The following DMBT1 variants were observed in gnomAD, a reference collection of about 807,000 sequenced individuals.
DMBT1 encodes the protein scavenger receptor cysteine-rich domain-containing protein DMBT1.
Under a neutral mutation model 252.9 loss-of-function variants are expected in DMBT1, and 198 were observed. The ratio of observed to expected loss-of-function variants is 0.78; its 90% confidence interval spans 0.70 to 0.88. DMBT1 has a LOEUF of 0.88. Ranked by LOEUF, DMBT1 falls within the 40% of genes least tolerant of loss-of-function variation. DMBT1 has a pLI of 0.00. For synonymous variants in DMBT1, 990 were observed against 942.7 expected, an observed-to-expected ratio of 1.05 and a Z score of -0.92; for missense variants, 2,432 against 2,404.7, an observed-to-expected ratio of 1.01 and a Z score of -0.24.
intron 2 of DMBT1, among the ~76,000 whole-genome samples, chr10:122,569,096 G>A (rs1481703638): frequency 3.3e-5 from 5 of 151,774 alleles, no homozygotes; most frequent in African/African-American, 4.8e-5. Context: ...GGGATCATCG[G>A]CCAGTCCTTC....
At chr10:122,590,858 A>G (rs933144456) in intron 18 of DMBT1, among the ~76,000 whole-genome samples, 164 bp downstream of exon 18, 5 of 148,240 alleles carry the variant, frequency 3.4e-5, no homozygotes, top group African/African-American at 7.3e-5. Flanking sequence ...TTAACCAGAC[A>G]TGGTTAAGAA....
At chr10:122,642,413 T>G (rs989064386) in intron 55 of DMBT1, among the ~76,000 whole-genome samples, 1 of 152,130 alleles carries the variant, frequency 6.6e-6, no homozygotes, top group South Asian at 2.1e-4. Flanking sequence ...ATCCCACCAA[T>G]CTATAATAAC....
Position 122,600,049 on chromosome 10 carries a change from T to C in DMBT1, c.3281-15T>C. The C allele has an allele frequency of 1.2e-6, 2 of 1,608,026 alleles. No individual in the cohort carries two copies. Among genetic ancestry groups the C allele is most frequent in the Non-Finnish European group, 8.5e-7 (1 of 1,178,322 alleles). ...GTAATGTTCCTGATCTGACCTTCTC[T>C]TCTCTTTCTCACAGCTTCCCAGTCC... On this transcript the variant is annotated splice_polypyrimidine_tract_variant and intron_variant, in intron 26 of 55. Transcript: ENST00000338354.
At chr10:122,586,464 T>C in intron 16 of DMBT1, 81 bp downstream of exon 16, 5 of 1,532,260 alleles carry the variant, frequency 3.3e-6, no homozygotes, top group Non-Finnish European at 3.5e-6. Flanking sequence ...ATCTCCTCAC[T>C]TAGAGCTTTT....
chr10:122,634,457 TCTCTC>T (rs2098207019), intron 52 of DMBT1, among the ~76,000 whole-genome samples: 1 of 100,606 alleles, frequency 9.9e-6, no homozygotes, highest in Non-Finnish European at 1.8e-5. Flanking sequence ...TCTCTCTCTC[TCTCTC>T]TCTCTCTCTC....
At chr10:122,563,288 C>A (rs1265607940) in intron 1 of DMBT1, among the ~76,000 whole-genome samples, 1 of 152,178 alleles carries the variant, frequency 6.6e-6, no homozygotes, top group South Asian at 2.1e-4. Flanking sequence ...TATGTTCCAA[C>A]CCATGCAGTA....
rs1367951771 is a variant in DMBT1 at position 122,580,418 on chromosome 10, C to G, written c.1004-448C>G. On this transcript the variant is annotated intron_variant, in intron 10 of 55. Coordinates refer to ENST00000338354, the MANE Select transcript of DMBT1 (RefSeq NM_001377530.1). ...GTGGGGTTGGAGTTCTTGACCTCAG[C>G]TCTTCTCAGAACGCTGCTGAGCATT... 3.9e-4 allele frequency among the ~76,000 whole-genome samples: 59 copies of G among 152,274 alleles called. No individual in the cohort carries two copies. The Middle Eastern group carries it at 0.01, about 26-fold the overall frequency.
At chr10:122,573,829 T>C (rs2097687964) in intron 6 of DMBT1, 67 bp downstream of exon 6, 3 of 1,576,150 alleles carry the variant, frequency 1.9e-6, no homozygotes, top group Admixed American at 3.3e-5. Flanking sequence ...TAATCTCTGA[T>C]TCAGATGAGG....
chr10:122,573,324 T>A (rs1355103650), intron 5 of DMBT1, among the ~76,000 whole-genome samples: 6 of 152,104 alleles, frequency 3.9e-5, no homozygotes, highest in African/African-American at 1.2e-4. Flanking sequence ...TTTTTCTGGT[T>A]GAACCACCTT....
intron 46 of DMBT1, among the ~76,000 whole-genome samples, chr10:122,626,995 G>A (rs1267823088): frequency 2.6e-5 from 4 of 152,198 alleles, no homozygotes; most frequent in Non-Finnish European, 5.9e-5. Flanking sequence ...AGGAGGGACT[G>A]CAGGAAATCT....
intron 40 of DMBT1, among the ~76,000 whole-genome samples, chr10:122,617,745 G>T (rs2098009749): frequency 6.6e-6 from 1 of 151,596 alleles, no homozygotes; most frequent in African/African-American, 2.4e-5. Flanking sequence ...TCCTGTGTGT[G>T]CCCAGAGTAG....
At chr10:122,590,912 T>G (rs2097844665) in intron 18 of DMBT1, among the ~76,000 whole-genome samples, 1 of 148,116 alleles carries the variant, frequency 6.8e-6, no homozygotes, top group Admixed American at 6.7e-5. Flanking sequence ...CAAAGTCTCC[T>G]GGGAAGGCAA....
Position 122,585,273 on chromosome 10 carries a change from A to T in DMBT1, c.1423A>T (p.Thr475Ser). 1 of 1,586,850 alleles carries T rather than the reference A, an allele frequency of 6.3e-7. No individual in the cohort carries two copies. The highest frequency in any genetic ancestry group is 8.6e-7 in the Non-Finnish European group (1 of 1,164,526). The change falls in exon 15 of 56, where the codon ACG becomes TCG. Residue 475 changes from threonine to serine, a missense_variant and splice_region_variant. Thr to Ser is a moderately conservative substitution (Grantham distance 58, BLOSUM62 1). Around this residue, in one of 3 missense-constraint regions of DMBT1, gnomAD observed 1,264 missense variants for 1,082.2 expected, o/e 1.17. Coordinates refer to ENST00000338354, the MANE Select transcript of DMBT1 (RefSeq NM_001377530.1). Reference protein sequence around the residue: ...AHSWSTPSPDTLPTITLPAST... With the variant: ...AHSWSTPSPDSLPTITLPAST... ...CTTTGTCTCTGTTGCAATTACAGACACGTTGCCGACCATCACCTTACCTGC... is the reference window on the plus strand; with the variant it reads ...CTTTGTCTCTGTTGCAATTACAGACTCGTTGCCGACCATCACCTTACCTGC...
chr10:122,594,160 T>C (rs1261895561), intron 21 of DMBT1, among the ~76,000 whole-genome samples: 2 of 140,970 alleles, frequency 1.4e-5, no homozygotes, highest in Admixed American at 1.4e-4. Flanking sequence ...TCCCCTAACA[T>C]TTTACCTGGC....
chr10:122,576,256 A>G, intron 6 of DMBT1, 143 bp from the exon 7 acceptor site: 1 of 1,251,420 alleles, frequency 8.0e-7, no homozygotes, highest in Non-Finnish European at 1.1e-6. Context: ...AAGAACTCTA[A>G]CCTTAAGGCC....
chr10:122,571,678 C>A lies in DMBT1; in HGVS notation c.188-636C>A, dbSNP rs1167921967. Among the ~76,000 whole-genome samples the A allele has an allele frequency of 2.0e-5, 3 of 152,142 alleles. No homozygotes were observed. The East Asian group carries it at 5.8e-4, about 29-fold the overall frequency. On this transcript the variant is annotated intron_variant, in intron 4 of 55. Coordinates refer to ENST00000338354, the MANE Select transcript of DMBT1 (RefSeq NM_001377530.1). ...ATGAAGAAACCTGCAAGGACACTGT[C>A]CCATGGTGTGCTCCCCAAAGAGGAG...
chr10:122,560,934 G>GTGCTACCCACTCTTTGATAT, intron 1 of DMBT1, 103 bp downstream of exon 1: 1 of 820,522 alleles, frequency 1.2e-6, no homozygotes, highest in Non-Finnish European at 2.0e-6. Context: ...TTATATCAAA[G>GTGCTACCCACTCTTTGATAT]AGTGGGTAGC....
Position 122,591,982 on chromosome 10 carries a change from G to A in DMBT1, c.2177-290G>A, listed in dbSNP as rs1030526662. On this transcript the variant is annotated intron_variant, in intron 19 of 55. Transcript: ENST00000338354. ...GCATAGGCCTGCCCTCTGGAGCAGT[G>A]GAGCTCCATCCTGTGTGTGCTCAGA... Among the ~76,000 whole-genome samples, 8 of 148,942 alleles carry A rather than the reference G, an allele frequency of 5.4e-5. 1 individual carries two copies. The highest frequency in any genetic ancestry group is 1.0e-4 in the Non-Finnish European group (7 of 66,820).
chr10:122,569,039 T>C (rs2097633698), intron 2 of DMBT1, among the ~76,000 whole-genome samples: 1 of 152,196 alleles, frequency 6.6e-6, no homozygotes, highest in Non-Finnish European at 1.5e-5. Context: ...TTAATTGATA[T>C]TGGAGGGCAG....
Sources: gnomAD v4.1 joint callset for allele counts (sites outside exome capture counted in the v4.1 genomes callset) on GRCh38, gnomAD v4.1.1 for gene constraint, gnomAD v4.1.1 regional missense constraint, MANE v1.5 for transcripts, NCBI Gene and HGNC (gene_info 2026-07-23, HGNC 2026-07-21) for gene names.